The following RBKS variants were observed in gnomAD, a reference collection of about 807,000 sequenced individuals.
The protein encoded by RBKS is ribokinase.
RBKS carries 33 observed loss-of-function variants against 33.9 expected under a neutral mutation model. The ratio of observed to expected loss-of-function variants is 0.97; its 90% confidence interval spans 0.74 to 1.30. The LOEUF is 1.30. RBKS is among the 50% of genes most tolerant of loss of function. RBKS has a pLI of 0.00. For missense variants in RBKS, 361 were observed against 392.6 expected (o/e 0.92, Z 0.68); for synonymous variants, 125 against 143.0 (o/e 0.87, Z 0.90).
At chr2:27,829,363 GTTTTTTTTTTT>G (rs35216618) in intron 6 of RBKS, among the ~76,000 whole-genome samples, 2 of 107,360 alleles carry the variant, frequency 1.9e-5, no homozygotes, top group East Asian at 2.5e-4. Flanking sequence ...GCTTTTCAGT[GTTTTTTTTTTT>G]TTTTTTTTTT....
intron 5 of RBKS, among the ~76,000 whole-genome samples, chr2:27,834,215 C>T (rs1000021092): frequency 3.3e-5 from 5 of 152,212 alleles, no homozygotes; most frequent in African/African-American, 1.2e-4. Context: ...GACATCTAGT[C>T]TACTTCTGCA....
intron 6 of RBKS, among the ~76,000 whole-genome samples, chr2:27,827,991 A>T (rs1290301305): frequency 6.6e-6 from 1 of 152,194 alleles, no homozygotes; most frequent in East Asian, 1.9e-4. Flanking sequence ...TGGATATTAG[A>T]TGATAGCATG....
intron 7 of RBKS, among the ~76,000 whole-genome samples, chr2:27,816,603 G>GTTTTTTTT (rs1443527562): frequency 6.6e-6 from 1 of 151,344 alleles, no homozygotes; most frequent in African/African-American, 2.4e-5. Flanking sequence ...CTAAGGATAT[G>GTTTTTTTT]TGTTTTTTTG....
rs545985696 is a variant in RBKS at position 27,811,464 on chromosome 2, A to C, written c.795+16103T>G. Among the ~76,000 whole-genome samples the C allele has an allele frequency of 1.6e-4, 25 of 152,288 alleles. No individual in the cohort carries two copies. In the South Asian group the frequency reaches 2.1e-3, roughly 13 times the overall value. ...ATAGAATATTTCCTATTTCTTAAGG[A>C]ACTGTTTTCAGTTCTAGAGGCTGCT... On this transcript the variant is annotated intron_variant, in intron 7 of 7. Coordinates refer to ENST00000302188, the MANE Select transcript of RBKS (RefSeq NM_022128.3).
chr2:27,813,188 T>C (rs1678025168), intron 7 of RBKS, among the ~76,000 whole-genome samples: 1 of 152,134 alleles, frequency 6.6e-6, no homozygotes, highest in South Asian at 2.1e-4. Flanking sequence ...ACCTTCAACC[T>C]AGACTACATA....
rs1664670701 is a variant in RBKS, at chr2:27,889,779, TATTTTATACA to T, written c.89+468_89+477del. ...TCTTTTTGATTTCTGCTCAACTCAT[TATTTTATACA>T]ATAAGCTCAGACGAATAATACCCAA... On this transcript the variant is annotated intron_variant, in intron 1 of 7. Coordinates refer to ENST00000302188, the MANE Select transcript of RBKS (RefSeq NM_022128.3). 2.6e-5 allele frequency among the ~76,000 whole-genome samples: 4 copies of T among 152,346 alleles called. No homozygotes were observed. The South Asian group carries it at 8.3e-4, about 32-fold the overall frequency.
intron 1 of RBKS, among the ~76,000 whole-genome samples, chr2:27,871,112 C>T (rs1664201811): frequency 1.3e-5 from 2 of 152,182 alleles, no homozygotes; most frequent in African/African-American, 4.8e-5. Context: ...GACAAATGTC[C>T]TTAGCAGCAG....
intron 1 of RBKS, among the ~76,000 whole-genome samples, chr2:27,883,347 C>T (rs752915750): frequency 6.6e-6 from 1 of 152,076 alleles, no homozygotes; most frequent in Non-Finnish European, 1.5e-5. Flanking sequence ...CTACAGGCGT[C>T]TGCCACCACG....
intron 5 of RBKS, among the ~76,000 whole-genome samples, chr2:27,841,729 A>AACACACACACACAC (rs35205983): frequency 0.064 from 9,122 of 142,142 alleles, 423 homozygotes; most frequent in East Asian, 0.2. Flanking sequence ...CACTTATATA[A>AACACACACACACAC]ACACACACAC....
chr2:27,858,330 C>T, intron 2 of RBKS, 109 bp downstream of exon 2: 1 of 1,057,450 alleles, frequency 9.5e-7, no homozygotes, highest in Non-Finnish European at 1.4e-6. Context: ...GTATTACATG[C>T]CACTGAACTG....
chr2:27,797,321 G>A (rs987533705), intron 7 of RBKS, among the ~76,000 whole-genome samples: 2 of 152,244 alleles, frequency 1.3e-5, no homozygotes, highest in South Asian at 4.1e-4. Flanking sequence ...TGCCTAGCAA[G>A]AGGGGCAGCT....
intron 7 of RBKS, chr2:27,782,803 CATTACATGT>C (rs1479100212): frequency 1.7e-5 from 5 of 288,416 alleles, no homozygotes; most frequent in African/African-American, 1.1e-4. Flanking sequence ...GAAAGCAAGG[CATTACATGT>C]ATTCCACTCT....
At chr2:27,843,285 T>C in intron 4 of RBKS, 54 bp from the exon 5 acceptor site, 2 of 1,361,142 alleles carry the variant, frequency 1.5e-6, no homozygotes, top group South Asian at 2.6e-5. Context: ...AAGCAAATGA[T>C]ATTCTGCAGT....
At chr2:27,876,350 ATAT>A (rs1033538205) in intron 1 of RBKS, among the ~76,000 whole-genome samples, 1 of 152,222 alleles carries the variant, frequency 6.6e-6, no homozygotes, top group African/African-American at 2.4e-5. Flanking sequence ...AACTTTGAAA[ATAT>A]TATGCTAAGT....
rs944615471 is a variant in RBKS, at chr2:27,837,734, C to T, written c.515-4957G>A. On this transcript the variant is annotated intron_variant, in intron 5 of 7. Transcript: ENST00000302188. The surrounding 1 kb of genome is among the most constrained non-coding windows in gnomAD (Gnocchi z 4.0). Reference sequence around the variant, plus strand: ...TCAAATTAAAATAAGAACAGAAAACCAAATACCACATGTATTCACTTATAA... The same window carrying T: ...TCAAATTAAAATAAGAACAGAAAACTAAATACCACATGTATTCACTTATAA... Among the ~76,000 whole-genome samples, 4 of 152,112 alleles carry T rather than the reference C, an allele frequency of 2.6e-5. No individual in the cohort carries two copies. Among genetic ancestry groups the T allele is most frequent in the Non-Finnish European group, 5.9e-5 (4 of 68,020 alleles).
chr2:27,870,790 A>G (rs765920050), intron 1 of RBKS: 10 of 465,624 alleles, frequency 2.1e-5, no homozygotes, highest in African/African-American at 8.0e-5. Flanking sequence ...TGACCAGTTC[A>G]GTTTTCCTGA....
intron 7 of RBKS, among the ~76,000 whole-genome samples, chr2:27,793,261 C>T (rs1318787222): frequency 6.6e-6 from 1 of 152,150 alleles, no homozygotes; most frequent in East Asian, 1.9e-4. Context: ...AGGAAGGAAT[C>T]ATCAATGGAG....
At chr2:27,880,067 G>A (rs7587567) in intron 1 of RBKS, among the ~76,000 whole-genome samples, 8,201 of 152,154 alleles carry the variant, frequency 0.054, 629 homozygotes, top group African/African-American at 0.17. Flanking sequence ...ATCAAAAAGC[G>A]AATCCACCAT....
At chr2:27,867,586 A>G (rs1664126653) in intron 1 of RBKS, among the ~76,000 whole-genome samples, 1 of 152,230 alleles carries the variant, frequency 6.6e-6, no homozygotes, top group Admixed American at 6.5e-5. Context: ...GGAGAGGCTT[A>G]TCACTCAAAA....
Sources: allele counts gnomAD v4.1 joint callset (sites outside exome capture counted in the v4.1 genomes callset), GRCh38; gene constraint gnomAD v4.1.1; non-coding constraint Gnocchi (gnomAD v3.1); transcripts MANE v1.5; gene names NCBI Gene and HGNC (gene_info 2026-07-23, HGNC 2026-07-21).